SELENOF: variants seen among roughly 807,000 people sequenced by gnomAD.
SELENOF encodes 15 kDa selenoprotein.
In SELENOF, 16 loss-of-function variants were observed where a neutral mutation model predicts 20.5. The observed-to-expected ratio is 0.78, with a 90% CI of 0.53 to 1.19. The LOEUF is 1.19. Ranked by LOEUF, SELENOF falls within the 50% of genes most tolerant of loss-of-function variation. The pLI is 0.00. For missense variants in SELENOF, 215 were observed against 194.2 expected, an observed-to-expected ratio of 1.11 and a Z score of -0.64; for synonymous variants, 78 against 74.5, an observed-to-expected ratio of 1.05 and a Z score of -0.24.
chr1:86,888,437 CTTTT>C (rs1298582454), intron 2 of SELENOF, among the ~76,000 whole-genome samples: 4 of 151,930 alleles, frequency 2.6e-5, no homozygotes, highest in South Asian at 4.2e-4. Flanking sequence ...CAGAAGAAAT[CTTTT>C]TTTTAAAAAT....
rs977961657 is a variant in SELENOF, at chr1:86,909,429, G to A, written c.84+4599C>T. On this transcript the variant is annotated intron_variant, in intron 1 of 4. Transcript: ENST00000331835. Reference sequence around the variant, plus strand: ...TTTTTGTATTTTTGAGAGTGGTTGGGCTTCCTCACTGCTCTACACAAATTG... The same window carrying A: ...TTTTTGTATTTTTGAGAGTGGTTGGACTTCCTCACTGCTCTACACAAATTG... Among the ~76,000 whole-genome samples, 19 of 152,218 alleles carry A rather than the reference G, an allele frequency of 1.2e-4. No homozygotes were observed. The South Asian group carries it at 1.9e-3, about 15-fold the overall frequency.
At chr1:86,873,602 G>A (rs898198012) in intron 3 of SELENOF, among the ~76,000 whole-genome samples, 2 of 152,128 alleles carry the variant, frequency 1.3e-5, no homozygotes, top group African/African-American at 4.8e-5. Context: ...TATAATTCCA[G>A]CACTTTGGGA....
chr1:86,867,646 A>C (rs544397991), intron 4 of SELENOF, among the ~76,000 whole-genome samples: 1 of 152,294 alleles, frequency 6.6e-6, no homozygotes, highest in Non-Finnish European at 1.5e-5. Flanking sequence ...TAGATATGTA[A>C]TATTATGCAT....
At position 86,868,081 on chromosome 1, in the gene SELENOF, G is replaced by A; in HGVS notation, c.338C>T (p.Pro113Leu). Residue 113 changes from proline (P) to leucine (L), a missense_variant, in exon 4 of 5, where the codon CCC (proline) becomes CTC (leucine). Physicochemically the swap from Pro to Leu is moderately conservative, Grantham distance 98. Transcript: ENST00000331835. ...QVQAFVRSDK[P>L]KLFRGLQIKY... ...GATTTGCAGTCCTCTGAACAGTTTG[G>A]GTTTATCACTCCTAACAAAAGCTTA... 1 of 1,531,166 alleles carries A rather than the reference G, an allele frequency of 6.5e-7. No individual in the cohort carries two copies. The highest frequency in any genetic ancestry group is 8.9e-7 in the Non-Finnish European group (1 of 1,127,240). The allele number at this position is 1,531,166 out of a possible 1,614,324, so 94.8% of individuals were successfully genotyped here.
intron 2 of SELENOF, among the ~76,000 whole-genome samples, chr1:86,894,018 A>T (rs1033502747): frequency 6.6e-6 from 1 of 152,238 alleles, no homozygotes; most frequent in Non-Finnish European, 1.5e-5. Flanking sequence ...AAGTGAAAAC[A>T]AAAGGCTTTT....
chr1:86,890,577 C>A (rs1659354645), intron 2 of SELENOF, among the ~76,000 whole-genome samples: 1 of 152,024 alleles, frequency 6.6e-6, no homozygotes, highest in South Asian at 2.1e-4. Flanking sequence ...GTAGCCTCGA[C>A]CTCCTAGGCT....
chr1:86,911,597 T>C (rs1027581163), intron 1 of SELENOF, among the ~76,000 whole-genome samples: 6 of 152,036 alleles, frequency 3.9e-5, no homozygotes, highest in East Asian at 3.8e-4. Context: ...ACTGTAGAGA[T>C]TGGAAATGAA....
chr1:86,910,423 T>C, intron 1 of SELENOF, among the ~76,000 whole-genome samples: 1 of 152,156 alleles, frequency 6.6e-6, no homozygotes, highest in East Asian at 1.9e-4. Context: ...GGTTTCAGTC[T>C]GGCTGGGCGC....
intron 1 of SELENOF, among the ~76,000 whole-genome samples, chr1:86,905,471 CA>C (rs1244545993): frequency 6.6e-6 from 1 of 151,958 alleles, no homozygotes; most frequent in Non-Finnish European, 1.5e-5. Flanking sequence ...TTTCACTGAC[CA>C]AAAAAATCAG....
At chr1:86,910,564 C>T (rs1659952566) in intron 1 of SELENOF, among the ~76,000 whole-genome samples, 2 of 113,402 alleles carry the variant, frequency 1.8e-5, no homozygotes, top group African/African-American at 3.8e-5. Flanking sequence ...ATTAGCTGTG[C>T]GTGGTGGCGT....
intron 2 of SELENOF, among the ~76,000 whole-genome samples, chr1:86,887,613 G>C (rs572706899): frequency 6.6e-6 from 1 of 152,124 alleles, no homozygotes; most frequent in East Asian, 1.9e-4. Context: ...GTGCATTCTA[G>C]GTTAGACCAT....
intron 1 of SELENOF, chr1:86,913,684 C>T (rs1041138131): frequency 2.4e-5 from 6 of 249,624 alleles, no homozygotes; most frequent in Non-Finnish European, 3.2e-5. Context: ...TCATGAGTCT[C>T]TTGCATTTCT....
intron 1 of SELENOF, among the ~76,000 whole-genome samples, chr1:86,912,171 G>A (rs1464411096): frequency 6.6e-6 from 1 of 152,160 alleles, no homozygotes; most frequent in Non-Finnish European, 1.5e-5. Context: ...GAACCAAGAC[G>A]CTGTTATTTC....
chr1:86,898,764 TTTTG>T (rs373673090), intron 2 of SELENOF, among the ~76,000 whole-genome samples: 14,288 of 138,224 alleles, frequency 0.1, 756 homozygotes, highest in Non-Finnish European at 0.13. Flanking sequence ...TGTATTTTTT[TTTTG>T]TTTGTTTGTT....
chr1:86,887,489 G>C (rs1232080084), intron 2 of SELENOF, among the ~76,000 whole-genome samples: 2 of 151,956 alleles, frequency 1.3e-5, no homozygotes, highest in Admixed American at 1.3e-4. Flanking sequence ...ATTTAAACTA[G>C]GCTCTACAGA....
intron 1 of SELENOF, among the ~76,000 whole-genome samples, chr1:86,906,014 C>A (rs758817696): frequency 1.2e-4 from 19 of 152,310 alleles, no homozygotes; most frequent in South Asian, 8.3e-4. Context: ...AGATTAATAT[C>A]CAGTGGCATT....
At chr1:86,903,815 C>T (rs1203688636) in intron 1 of SELENOF, among the ~76,000 whole-genome samples, 3 of 152,074 alleles carry the variant, frequency 2.0e-5, no homozygotes, top group Admixed American at 6.5e-5. Context: ...CTCCTGACCT[C>T]GTGATCCGCC....
In SELENOF at chr1:86,863,575, G is replaced by T. The variant is rs749308184; in HGVS notation, c.397C>A (p.Leu133Ile). 5 of 1,613,460 alleles carry T rather than the reference G, an allele frequency of 3.1e-6. No homozygotes were observed. The highest frequency in any genetic ancestry group is 1.1e-5 in the South Asian group (1 of 91,052). The change falls in exon 5 of 5, where the codon CTT (leucine) becomes ATT (isoleucine). Residue 133 changes from leucine to isoleucine, a missense_variant. Physicochemically the swap from Leu to Ile is conservative, Grantham distance 5. Transcript: ENST00000331835. The stretch of plus-strand genomic sequence containing the variant: ...GCAATGTTCCCATTGTCGTCCAAAA[G>T]CTTTAATACAGGGTCTGAACCACGG... ...YVRGSDPVLK[L>I]LDDNGNIAEE...
In SELENOF at chr1:86,863,598, C is replaced by T. The variant is rs761918119; in HGVS notation, c.374G>A (p.Arg125His). Residue 125 changes from arginine to histidine, a missense_variant, in exon 5 of 5, where the codon CGT becomes CAT. By Grantham distance (29) the Arg-to-His change is conservative (BLOSUM62 0). Coordinates refer to ENST00000331835, the MANE Select transcript of SELENOF (RefSeq NM_004261.5). ...AAGCTTTAATACAGGGTCTGAACCA[C>T]GGACATACTACAAAAAAGAGGGACG... ...LFRGLQIKYV[R>H]GSDPVLKLLD... 23 of 1,612,766 alleles carry T rather than the reference C, an allele frequency of 1.4e-5. No individual in the cohort carries two copies. Among genetic ancestry groups the T allele is most frequent in the South Asian group, 4.4e-5 (4 of 90,890 alleles).
Sources: allele counts gnomAD v4.1 joint callset (sites outside exome capture counted in the v4.1 genomes callset), GRCh38; gene constraint gnomAD v4.1.1; transcripts MANE v1.5; gene names NCBI Gene and HGNC (gene_info 2026-07-23, HGNC 2026-07-21).